HLCS: variants seen among roughly 807,000 people sequenced by gnomAD.
HLCS encodes the protein biotin--protein ligase.
HLCS carries 53 observed loss-of-function variants against 75.0 expected under a neutral mutation model. The observed-to-expected ratio is 0.71, with a 90% CI of 0.57 to 0.89. The LOEUF (loss-of-function observed/expected upper bound fraction) is 0.89. Ranked by LOEUF, HLCS falls within the 40% of genes least tolerant of loss-of-function variation. HLCS has a pLI of 0.00. For missense variants in HLCS, 966 were observed against 1,074.0 expected, an observed-to-expected ratio of 0.90 and a Z score of 1.41; for synonymous variants, 431 against 428.6, an observed-to-expected ratio of 1.01 and a Z score of -0.07.
intron 5 of HLCS, among the ~76,000 whole-genome samples, chr21:36,909,653 C>T (rs530335666): frequency 7.9e-5 from 12 of 152,244 alleles, no homozygotes; most frequent in Admixed American, 2.6e-4. Flanking sequence ...AGTGCAATGA[C>T]GTGATCATAG....
At chr21:36,832,865 G>A (rs1046008375) in intron 6 of HLCS, among the ~76,000 whole-genome samples, 28 of 152,282 alleles carry the variant, frequency 1.8e-4, no homozygotes, top group Non-Finnish European at 4.0e-4. Context: ...ACCTTCAAAG[G>A]GTTGTAAGGA....
chr21:36,877,911 T>C lies in HLCS; in HGVS notation c.1892+18949A>G, dbSNP rs188560872. Reference sequence around the variant, plus strand: ...CTAAAAATATTGTTCCACTCTCTTCTGGCTTTAATAATTTCTGAGAAAAAG... The same window carrying C: ...CTAAAAATATTGTTCCACTCTCTTCCGGCTTTAATAATTTCTGAGAAAAAG... On this transcript the variant is annotated intron_variant, in intron 6 of 10. Coordinates refer to ENST00000674895, the MANE Select transcript of HLCS (RefSeq NM_001352514.2). Among the ~76,000 whole-genome samples the C allele has an allele frequency of 1.6e-4, 25 of 152,198 alleles. 1 individual carries two copies. Among genetic ancestry groups the C allele is most frequent in the Admixed American group, 1.6e-3 (25 of 15,284 alleles).
At position 36,748,704 on chromosome 21, in the gene HLCS, A is replaced by G. The variant is rs2089273296; in HGVS notation, c.*5542T>C. 6.6e-6 allele frequency: 1 copy of G among 152,664 alleles called. No homozygotes were observed. Among genetic ancestry groups the G allele is most frequent in the African/African-American group, 2.4e-5 (1 of 41,468 alleles). 9.5% of individuals were successfully genotyped at this position (152,664 alleles called of 1,614,324 possible). On this transcript the variant is annotated 3_prime_UTR_variant, in exon 11 of 11. Coordinates refer to ENST00000674895, the MANE Select transcript of HLCS (RefSeq NM_001352514.2). ...ACCAAGACTAAGGGGGTGACCATGC[A>G]ATTCCATTTTGTGTCTGTGAACATA...
chr21:36,930,114 A>G (rs768892174), intron 5 of HLCS, 137 bp downstream of exon 5: 2 of 797,952 alleles, frequency 2.5e-6, no homozygotes, highest in African/African-American at 1.7e-5. Context: ...CACATCTTGA[A>G]GATGATTTCC....
chr21:36,912,558 T>C (rs2065764609), intron 5 of HLCS, among the ~76,000 whole-genome samples: 1 of 152,150 alleles, frequency 6.6e-6, no homozygotes, highest in Non-Finnish European at 1.5e-5. Flanking sequence ...AAAAAAGTTT[T>C]GGAAATATAG....
chr21:36,753,155 C>CACGCACGCACACACATATGCGG lies in HLCS; in HGVS notation c.*1069_*1090dup. 1 of 152,784 alleles carries CACGCACGCACACACATATGCGG rather than the reference C, an allele frequency of 6.5e-6. No homozygotes were observed. Among genetic ancestry groups the CACGCACGCACACACATATGCGG allele is most frequent in the African/African-American group, 2.4e-5 (1 of 41,580 alleles). 9.5% of individuals were successfully genotyped at this position (152,784 alleles called of 1,614,324 possible). A position where few individuals can be genotyped will look rare whatever the true frequency, so the allele number is the denominator to read the frequency against. ...CTTCTTTTAAAGCTATGTGCGCACA[C>CACGCACGCACACACATATGCGG]ACGCACGCACACACATATGCGGGCA... On this transcript the variant is annotated 3_prime_UTR_variant, in exon 11 of 11. Transcript: ENST00000674895. This position sits in a 1 kb window ranked among gnomAD's most constrained non-coding sequence, Gnocchi z 4.3.
chr21:36,910,175 C>T (rs115650690), intron 5 of HLCS, among the ~76,000 whole-genome samples: 3,411 of 152,306 alleles, frequency 0.022, 132 homozygotes, highest in African/African-American at 0.077. Flanking sequence ...AATACTCACA[C>T]GCAATTTCAT....
chr21:36,771,112 C>T (rs1309461091), intron 6 of HLCS, among the ~76,000 whole-genome samples: 10 of 151,852 alleles, frequency 6.6e-5, no homozygotes, highest in Non-Finnish European at 1.5e-4. Context: ...CCCAGCTACT[C>T]GGGAGGCTGA....
At chr21:36,983,880 G>A (rs1164972181) in intron 1 of HLCS, among the ~76,000 whole-genome samples, 8 of 151,670 alleles carry the variant, frequency 5.3e-5, no homozygotes, top group Non-Finnish European at 8.8e-5. Flanking sequence ...GTATATCACA[G>A]GCTGGAGTGC....
chr21:36,777,929 TC>T (rs2060410002), intron 6 of HLCS, among the ~76,000 whole-genome samples: 1 of 152,220 alleles, frequency 6.6e-6, no homozygotes, highest in African/African-American at 2.4e-5. Context: ...AGTTTTAGTA[TC>T]CATGAATGAT....
chr21:36,808,134 T>G (rs989799957), intron 6 of HLCS, among the ~76,000 whole-genome samples: 7 of 152,316 alleles, frequency 4.6e-5, no homozygotes, highest in Non-Finnish European at 1.0e-4. Context: ...CTTTGATGCA[T>G]TTTTCTATGT....
chr21:36,959,038 G>A (rs1601882799), intron 2 of HLCS, among the ~76,000 whole-genome samples: 3 of 152,270 alleles, frequency 2.0e-5, no homozygotes, highest in South Asian at 2.1e-4. Flanking sequence ...AGCCCTTCCC[G>A]CTTCTGAGTT....
intron 2 of HLCS, chr21:36,948,024 G>A (rs1259602490): frequency 2.4e-5 from 24 of 979,848 alleles, no homozygotes; most frequent in Non-Finnish European, 2.8e-5. Context: ...AGGCGCGGTG[G>A]CTCACACCTG....
chr21:36,848,934 TCAA>T (rs1449099883), intron 6 of HLCS, among the ~76,000 whole-genome samples: 8 of 152,130 alleles, frequency 5.3e-5, no homozygotes, highest in African/African-American at 1.9e-4. Context: ...AGACACCGGC[TCAA>T]TGCAAGTCTA....
chr21:36,915,285 G>A (rs1227049413), intron 5 of HLCS, among the ~76,000 whole-genome samples: 1 of 152,224 alleles, frequency 6.6e-6, no homozygotes, highest in East Asian at 1.9e-4. Context: ...GGAGCTTCAA[G>A]ATTCAATGTT....
chr21:36,810,195 G>A (rs1200508065), intron 6 of HLCS, among the ~76,000 whole-genome samples: 2 of 152,108 alleles, frequency 1.3e-5, no homozygotes, highest in Non-Finnish European at 2.9e-5. Context: ...TTTTAGCTTT[G>A]TATCCCAGAT....
intron 2 of HLCS, among the ~76,000 whole-genome samples, chr21:36,949,335 C>T (rs538813230): frequency 1.3e-5 from 2 of 152,250 alleles, no homozygotes; most frequent in Non-Finnish European, 2.9e-5. Context: ...TGTCACTGAG[C>T]TGGAGCTGCC....
intron 6 of HLCS, among the ~76,000 whole-genome samples, chr21:36,798,734 C>T (rs1021926113): frequency 2.0e-5 from 3 of 152,202 alleles, no homozygotes; most frequent in Non-Finnish European, 4.4e-5. Flanking sequence ...CCTACTAATG[C>T]ATGTGAAGTG....
At chr21:36,786,964 C>T (rs965014574) in intron 6 of HLCS, among the ~76,000 whole-genome samples, 6 of 152,248 alleles carry the variant, frequency 3.9e-5, no homozygotes, top group African/African-American at 9.6e-5. Flanking sequence ...CAGGGGTGGT[C>T]GGGGCCCAGC....
Sources: gnomAD v4.1 joint callset for allele counts (sites outside exome capture counted in the v4.1 genomes callset) on GRCh38, gnomAD v4.1.1 for gene constraint, Gnocchi (gnomAD v3.1) non-coding constraint, MANE v1.5 for transcripts, NCBI Gene and HGNC (gene_info 2026-07-23, HGNC 2026-07-21) for gene names.